Variants in NDUFAF6 observed in about 807,000 individuals in gnomAD.
NDUFAF6 encodes NADH:ubiquinone oxidoreductase complex assembly factor 6.
Under a neutral mutation model 40.8 loss-of-function variants are expected in NDUFAF6, and 45 were observed. The observed-to-expected ratio is 1.10, with a 90% CI of 0.87 to 1.42. The LOEUF (loss-of-function observed/expected upper bound fraction) is 1.42, where lower values mean the gene tolerates loss of function less well. Among genes scored for constraint, NDUFAF6 ranks in the 40% most tolerant of loss-of-function variants. The probability of loss-of-function intolerance (pLI) is 0.00; values close to 1 mark genes in which losing one functional copy is unlikely to be tolerated. For missense variants in NDUFAF6, 435 were observed against 418.5 expected, an observed-to-expected ratio of 1.04 and a Z score of -0.34; for synonymous variants, 185 against 155.9, an observed-to-expected ratio of 1.19 and a Z score of -1.39.
At chr8:94,914,814 G>C (rs1819019078) in intron 1 of NDUFAF6, among the ~76,000 whole-genome samples, 1 of 151,528 alleles carries the variant, frequency 6.6e-6, no homozygotes, top group African/African-American at 2.4e-5. Flanking sequence ...CTACCTGGGA[G>C]GCGGAGGCGT....
chr8:94,963,803 T>G (rs1341243853), intron 1 of NDUFAF6, among the ~76,000 whole-genome samples: 1 of 152,148 alleles, frequency 6.6e-6, no homozygotes, highest in African/African-American at 2.4e-5. Context: ...GCAGAGGGCA[T>G]TTAGGGAGAA....
At chr8:94,930,587 G>T (rs757108010) in intron 1 of NDUFAF6, 8 of 1,614,118 alleles carry the variant, frequency 5.0e-6, no homozygotes, top group Non-Finnish European at 6.8e-6. Context: ...GGCTATTTCT[G>T]TTAAGAGGCT....
At chr8:94,941,024 C>G in intron 1 of NDUFAF6, 1 of 987,514 alleles carries the variant, frequency 1.0e-6, no homozygotes, top group South Asian at 1.4e-5. Context: ...CCCAATGGTA[C>G]CGACAGGAGA....
At chr8:94,980,824 T>A (rs774968232) in intron 1 of NDUFAF6, 12 of 412,488 alleles carry the variant, frequency 2.9e-5, no homozygotes, top group Non-Finnish European at 5.9e-5. Context: ...TTACCCCTTT[T>A]CTCCATCAAG....
At chr8:94,919,197 T>A (rs1011054552) in intron 1 of NDUFAF6, among the ~76,000 whole-genome samples, 15 of 152,300 alleles carry the variant, frequency 9.8e-5, no homozygotes, top group African/African-American at 3.6e-4. Flanking sequence ...TTTTTTCCTT[T>A]TTTAGATAGA....
chr8:94,932,816 AAAG>A (rs1163069423), intron 1 of NDUFAF6, among the ~76,000 whole-genome samples: 1 of 152,208 alleles, frequency 6.6e-6, no homozygotes. Flanking sequence ...AATAAAAAAA[AAAG>A]AATTTCAAAT....
chr8:94,926,833 C>T lies in NDUFAF6; in HGVS notation c.-935-18650C>T, dbSNP rs114164845. 2.6e-3 allele frequency: 397 copies of T among 152,252 alleles called. 4 individuals carry two copies. Among genetic ancestry groups the T allele is most frequent in the African/African-American group, 9.2e-3 (384 of 41,546 alleles). The allele number at this position is 152,252 out of a possible 1,614,324, so 9.4% of individuals were successfully genotyped here. A position where few individuals can be genotyped will look rare whatever the true frequency, so the allele number is the denominator to read the frequency against. ...CAAGTGAAACTGATACATGGCAAGG[C>T]TGACACCACTGTATCATGTAGGTTT... is the stretch of plus-strand genomic sequence containing the variant. On this transcript the variant is annotated intron_variant, in intron 1 of 14. Coordinates refer to the NDUFAF6 transcript ENST00000396113.
At chr8:95,117,152 T>C (rs963003266), downstream of NDUFAF6, among the ~76,000 whole-genome samples, 5 of 152,198 alleles carry the variant, frequency 3.3e-5, no homozygotes, top group African/African-American at 1.2e-4. Flanking sequence ...GGGGAATTAA[T>C]CCCATCCAGA....
chr8:94,908,570 A>G (rs980800115), intron 1 of NDUFAF6, among the ~76,000 whole-genome samples: 7 of 152,018 alleles, frequency 4.6e-5, no homozygotes, highest in African/African-American at 1.7e-4. Context: ...GGGTCTTGCT[A>G]TGTTGCCCAG....
At chr8:95,104,420 G>T (rs1809754574), downstream of NDUFAF6, among the ~76,000 whole-genome samples, 1 of 152,072 alleles carries the variant, frequency 6.6e-6, no homozygotes, top group African/African-American at 2.4e-5. Context: ...ACACCTACTT[G>T]CCTGGTCCCT....
At chr8:94,981,746 T>C (rs1031249950) in intron 2 of NDUFAF6, among the ~76,000 whole-genome samples, 1 of 152,148 alleles carries the variant, frequency 6.6e-6, no homozygotes, top group Non-Finnish European at 1.5e-5. Context: ...AATGCTTCCA[T>C]GAGAGAGCTG....
chr8:95,117,456 T>G (rs563108401), downstream of NDUFAF6, among the ~76,000 whole-genome samples: 156 of 152,302 alleles, frequency 1.0e-3, 1 homozygote, highest in African/African-American at 3.6e-3. Context: ...AAATAAAGCT[T>G]TTTTTGTGTG....
At chr8:95,117,341 TAA>T (rs1277722848), downstream of NDUFAF6, among the ~76,000 whole-genome samples, 12 of 152,294 alleles carry the variant, frequency 7.9e-5, no homozygotes, top group Admixed American at 7.9e-4. Context: ...GAGTGGATTT[TAA>T]AGAGTCTGAA....
chr8:94,975,035 T>G lies in NDUFAF6; in HGVS notation c.-198-5824T>G, dbSNP rs1824807155. ...AAAACACCAGCTCCTTGCTTCTTCC[T>G]TTCTCAGCCCACCAACATAACCACT... On this transcript the variant is annotated intron_variant, in intron 1 of 9. Coordinates refer to the NDUFAF6 transcript ENST00000396111. 2.0e-5 allele frequency among the ~76,000 whole-genome samples: 3 copies of G among 152,200 alleles called. No individual in the cohort carries two copies. In the South Asian group the frequency reaches 6.2e-4, roughly 31 times the overall value.
downstream of NDUFAF6, among the ~76,000 whole-genome samples, chr8:95,105,070 G>C (rs573634125): frequency 0.034 from 339 of 10,078 alleles, 1 homozygote; most frequent in African/African-American, 0.13. Context: ...CACACACAGA[G>C]AGAGAGAGAG....
At chr8:94,917,546 C>T (rs1164107078) in intron 1 of NDUFAF6, among the ~76,000 whole-genome samples, 7 of 152,108 alleles carry the variant, frequency 4.6e-5, no homozygotes, top group Non-Finnish European at 1.0e-4. Context: ...GGTTGAATTA[C>T]CAATGTGTAT....
intron 1 of NDUFAF6, among the ~76,000 whole-genome samples, chr8:94,899,940 C>T (rs1380334141): frequency 1.3e-5 from 2 of 152,214 alleles, no homozygotes; most frequent in Non-Finnish European, 2.9e-5. Flanking sequence ...ATGGAGCTGT[C>T]CACATCCCCT....
intron 8 of NDUFAF6, 60 bp from the exon 9 acceptor site, chr8:95,057,745 GTTTT>G: frequency 6.1e-6 from 6 of 990,236 alleles, no homozygotes; most frequent in Admixed American, 2.5e-5. Context: ...TCTTTAGTTA[GTTTT>G]TTTTTTTTTT....
chr8:95,095,473 G>C (rs765619937), upstream of NDUFAF6, among the ~76,000 whole-genome samples: 25 of 152,102 alleles, frequency 1.6e-4, no homozygotes, highest in Non-Finnish European at 3.2e-4. Flanking sequence ...CTGAACCCCA[G>C]GGTGGAGTGC....
Sources: gnomAD v4.1 joint callset for allele counts (sites outside exome capture counted in the v4.1 genomes callset) on GRCh38, gnomAD v4.1.1 for gene constraint, MANE v1.5 for transcripts, NCBI Gene and HGNC (gene_info 2026-07-23, HGNC 2026-07-21) for gene names.